Variants in CCDC85C observed in about 807,000 individuals in gnomAD.
The protein encoded by CCDC85C is coiled-coil domain containing 85C, also known as coiled-coil domain-containing protein 85C.
In CCDC85C, 18 loss-of-function variants were observed where a neutral mutation model predicts 38.3. That is an observed-to-expected ratio of 0.47 (90% CI 0.33 to 0.70). The LOEUF (loss-of-function observed/expected upper bound fraction) is 0.70. CCDC85C is among the 30% of genes least tolerant of loss of function. The pLI, the probability that CCDC85C is intolerant of heterozygous loss-of-function variation, is 0.03. For synonymous variants in CCDC85C, 264 were observed against 293.8 expected (o/e 0.90, Z 1.04); for missense variants, 566 against 621.2 (o/e 0.91, Z 0.94).
At position 99,515,185 on chromosome 14, in the gene CCDC85C, G is replaced by C; in HGVS notation, c.*61C>G. ...GGCTGGAGGTCCTGCCCGTGTCTGG[G>C]GCCTGAAACTCCCCCTGGGGACCCC... is the stretch of plus-strand genomic sequence containing the variant. On this transcript the variant is annotated 3_prime_UTR_variant, in exon 6 of 6. Coordinates refer to ENST00000380243, the MANE Select transcript of CCDC85C (RefSeq NM_001144995.2). 1 of 1,248,194 alleles carries C rather than the reference G, an allele frequency of 8.0e-7. No homozygotes were observed. The highest frequency in any genetic ancestry group is 1.1e-6 in the Non-Finnish European group (1 of 880,592). The allele number at this position is 1,248,194 out of a possible 1,614,324, so 77.3% of individuals were successfully genotyped here.
chr14:99,557,592 A>T (rs1268392564), intron 1 of CCDC85C, among the ~76,000 whole-genome samples: 1 of 152,222 alleles, frequency 6.6e-6, no homozygotes. Context: ...GCCAGGCTAG[A>T]AGGAGACAAT....
At chr14:99,519,306 G>T (rs1268407849) in intron 3 of CCDC85C, among the ~76,000 whole-genome samples, 2 of 141,182 alleles carry the variant, frequency 1.4e-5, no homozygotes, top group Admixed American at 7.1e-5. Context: ...TGGTAGAGAT[G>T]GGGTTTCATC....
Position 99,515,198 on chromosome 14 carries a change from C to T in CCDC85C, c.*48G>A. On this transcript the variant is annotated 3_prime_UTR_variant, in exon 6 of 6. Transcript: ENST00000380243. ...GCCCGTGTCTGGGGCCTGAAACTCC[C>T]CCTGGGGACCCCCAGCAGGGCCAGT... The T allele has an allele frequency of 2.1e-6, 3 of 1,440,562 alleles. No homozygotes were observed. The highest frequency in any genetic ancestry group is 2.8e-6 in the Non-Finnish European group (3 of 1,052,720). 89.2% of individuals were successfully genotyped at this position (1,440,562 alleles called of 1,614,324 possible).
intron 1 of CCDC85C, among the ~76,000 whole-genome samples, chr14:99,598,004 A>G (rs1345092889): frequency 1.3e-5 from 2 of 152,268 alleles, no homozygotes; most frequent in East Asian, 1.9e-4. Flanking sequence ...ACGGCCATAA[A>G]GCAGGTGGCA....
intron 1 of CCDC85C, among the ~76,000 whole-genome samples, chr14:99,550,556 A>C (rs777701389): frequency 2.0e-5 from 3 of 152,226 alleles, no homozygotes; most frequent in Non-Finnish European, 2.9e-5. Flanking sequence ...AAGAACTACA[A>C]GTCATGGCTG....
rs1435420518 is a variant in CCDC85C at position 99,533,087 on chromosome 14, T to A, written c.867+2928A>T. 6.6e-6 allele frequency among the ~76,000 whole-genome samples: 1 copy of A among 152,098 alleles called. No homozygotes were observed. Among genetic ancestry groups the A allele is most frequent in the Non-Finnish European group, 1.5e-5 (1 of 68,016 alleles). On this transcript the variant is annotated intron_variant, in intron 2 of 5. Coordinates refer to ENST00000380243, the MANE Select transcript of CCDC85C (RefSeq NM_001144995.2). This position sits in a 1 kb window ranked among gnomAD's most constrained non-coding sequence, Gnocchi z 4.2. ...GTGAGCCACCACACCCAGCCGTGGCTCCTCTGGTTCTGCTGATGCCATGGG... is the reference window on the plus strand; with the variant it reads ...GTGAGCCACCACACCCAGCCGTGGCACCTCTGGTTCTGCTGATGCCATGGG...
rs538083335 is a variant in CCDC85C, at chr14:99,569,433, G to A, written c.794-33345C>T. Among the ~76,000 whole-genome samples the A allele has an allele frequency of 5.3e-5, 8 of 152,182 alleles. No individual in the cohort carries two copies. Among genetic ancestry groups the A allele is most frequent in the Non-Finnish European group, 1.0e-4 (7 of 68,034 alleles). ...ACCTGGGCCCCAGCTCCGCCAGGCT[G>A]CCCTGCCCCACAGAGGCACCCACCA... On this transcript the variant is annotated intron_variant, in intron 1 of 5. Transcript: ENST00000380243. This position sits in a 1 kb window ranked among gnomAD's most constrained non-coding sequence, Gnocchi z 4.3.
chr14:99,541,173 T>C (rs1030289069), intron 1 of CCDC85C, among the ~76,000 whole-genome samples: 1 of 152,206 alleles, frequency 6.6e-6, no homozygotes, highest in Non-Finnish European at 1.5e-5. Flanking sequence ...GCAGCCCTAA[T>C]AGGAACTCAT....
chr14:99,530,472 C>T (rs1338865378), intron 2 of CCDC85C, among the ~76,000 whole-genome samples: 7 of 152,224 alleles, frequency 4.6e-5, no homozygotes, highest in African/African-American at 1.2e-4. Context: ...CACCGCGACG[C>T]CAGCATCTCC....
At chr14:99,583,247 G>A (rs1358147569) in intron 1 of CCDC85C, 1 of 152,194 alleles carries the variant, frequency 6.6e-6, no homozygotes, top group Non-Finnish European at 1.5e-5. Context: ...TGTCACACCT[G>A]TAATCCCAGC....
At chr14:99,573,619 A>G (rs887528473) in intron 1 of CCDC85C, among the ~76,000 whole-genome samples, 1 of 152,334 alleles carries the variant, frequency 6.6e-6, no homozygotes, top group Admixed American at 6.5e-5. Context: ...GACAGGGTGC[A>G]GCCAGATGCC....
At position 99,507,944 on chromosome 14, in the gene CCDC85C, A is replaced by G. The variant is rs1026627727; in HGVS notation, c.*7302T>C. The G allele has an allele frequency of 6.6e-6, 1 of 152,248 alleles. No homozygotes were observed. The highest frequency in any genetic ancestry group is 2.4e-5 in the African/African-American group (1 of 41,462). The allele number at this position is 152,248 out of a possible 1,614,324, so 9.4% of individuals were successfully genotyped here. A position where few individuals can be genotyped will look rare whatever the true frequency, so the allele number is the denominator to read the frequency against. On this transcript the variant is annotated 3_prime_UTR_variant, in exon 6 of 6. Coordinates refer to ENST00000380243, the MANE Select transcript of CCDC85C (RefSeq NM_001144995.2). ...GATGGCATTCTTTACCTGTGGCACC[A>G]TTTCAGAAGGTGATGCGCTAGAGAA...
At chr14:99,530,344 G>T (rs1193827216) in intron 2 of CCDC85C, among the ~76,000 whole-genome samples, 2 of 152,202 alleles carry the variant, frequency 1.3e-5, no homozygotes, top group African/African-American at 4.8e-5. Flanking sequence ...CACTGCCTAT[G>T]ACAGAGGTGA....
rs940083894 is a variant in CCDC85C, at chr14:99,503,025, C to T, written c.*12221G>A. 1.2e-6 allele frequency: 2 copies of T among 1,607,074 alleles called. No homozygotes were observed. The highest frequency in any genetic ancestry group is 2.7e-5 in the African/African-American group (2 of 74,778). Reference sequence around the variant, plus strand: ...CAGGCCCTGGGTAGAGCAGGCTTTCCAGGTGGCGGCAACACCTGAGCACTG... The same window carrying T: ...CAGGCCCTGGGTAGAGCAGGCTTTCTAGGTGGCGGCAACACCTGAGCACTG... On this transcript the variant is annotated 3_prime_UTR_variant, in exon 6 of 6. Transcript: ENST00000380243.
At chr14:99,522,422 C>T in intron 2 of CCDC85C, 182 bp from the exon 3 acceptor site, 1 of 538,588 alleles carries the variant, frequency 1.9e-6, no homozygotes, top group Non-Finnish European at 3.3e-6. Flanking sequence ...CTTCACTCTC[C>T]CCAGCTCAAA....
In CCDC85C at chr14:99,545,513, C is replaced by T. The variant is rs1285449847; in HGVS notation, c.794-9425G>A. Among the ~76,000 whole-genome samples, 4 of 152,176 alleles carry T rather than the reference C, an allele frequency of 2.6e-5. No individual in the cohort carries two copies. Among genetic ancestry groups the T allele is most frequent in the African/African-American group, 9.7e-5 (4 of 41,442 alleles). On this transcript the variant is annotated intron_variant, in intron 1 of 5. Coordinates refer to ENST00000380243, the MANE Select transcript of CCDC85C (RefSeq NM_001144995.2). The surrounding 1 kb of genome is among the most constrained non-coding windows in gnomAD (Gnocchi z 4.7). The stretch of plus-strand genomic sequence containing the variant: ...TATGGGGACAAGGGGAAAAGAATTC[C>T]TTCCCTGTGCCTTCAAGGGCTGCAC...
chr14:99,531,850 G>C (rs1266758472), intron 2 of CCDC85C, among the ~76,000 whole-genome samples: 1 of 152,184 alleles, frequency 6.6e-6, no homozygotes, highest in East Asian at 1.9e-4. Context: ...TCAAGGCTGT[G>C]AACTCTTTCT....
intron 1 of CCDC85C, among the ~76,000 whole-genome samples, chr14:99,536,331 T>C (rs1897599091): frequency 6.6e-6 from 1 of 152,170 alleles, no homozygotes; most frequent in Non-Finnish European, 1.5e-5. Flanking sequence ...AGGCCAGCCT[T>C]GCAGGACCCG....
In CCDC85C at chr14:99,603,962, C is replaced by G. The variant is rs1442851207; in HGVS notation, c.-3G>C. The G allele has an allele frequency of 7.5e-7, 1 of 1,334,862 alleles. No homozygotes were observed. The highest frequency in any genetic ancestry group is 1.5e-5 in the African/African-American group (1 of 64,774). The allele number at this position is 1,334,862 out of a possible 1,614,324, so 82.7% of individuals were successfully genotyped here. ...GCCGTCGCCGCGGGCTTAGCCATGG[C>G]GGGGCCGTCACCGCGGCATCGCCCT... is the stretch of plus-strand genomic sequence containing the variant. On this transcript the variant is annotated 5_prime_UTR_variant, in exon 1 of 6. Coordinates refer to ENST00000380243, the MANE Select transcript of CCDC85C (RefSeq NM_001144995.2). The surrounding 1 kb of genome is among the most constrained non-coding windows in gnomAD (Gnocchi z 7.5).
Sources: allele counts gnomAD v4.1 joint callset (sites outside exome capture counted in the v4.1 genomes callset), GRCh38; gene constraint gnomAD v4.1.1; non-coding constraint Gnocchi (gnomAD v3.1); transcripts MANE v1.5; gene names NCBI Gene and HGNC (gene_info 2026-07-23, HGNC 2026-07-21).